Variants in RMST observed in about 807,000 individuals in gnomAD.
RMST encodes long intergenic non-protein coding RNA 54.
At chr12:97,553,213 CCTGT>C (rs200690374) in intron 11 of RMST, among the ~76,000 whole-genome samples, 3,529 of 152,020 alleles carry the variant, frequency 0.023, 73 homozygotes, top group East Asian at 0.12. Context: ...TAATTATTTG[CCTGT>C]GATAATAACA....
intron 4 of RMST, among the ~76,000 whole-genome samples, chr12:97,464,342 C>T (rs1275980053): frequency 1.3e-5 from 2 of 152,026 alleles, no homozygotes; most frequent in Non-Finnish European, 1.5e-5. Flanking sequence ...TGAGGGGGAC[C>T]GAAAAGCAGT....
intron 10 of RMST, among the ~76,000 whole-genome samples, chr12:97,529,214 C>G (rs1881406592): frequency 6.6e-6 from 1 of 152,040 alleles, no homozygotes; most frequent in Admixed American, 6.6e-5. Flanking sequence ...ATCCCTAAAT[C>G]ATCTCATCCT....
chr12:97,559,292 G>A (rs972621217), intron 11 of RMST, among the ~76,000 whole-genome samples: 5 of 152,096 alleles, frequency 3.3e-5, no homozygotes, highest in Admixed American at 6.6e-5. Context: ...TATCTGCCAC[G>A]CAGAGTTCAT....
intron 5 of RMST, among the ~76,000 whole-genome samples, chr12:97,486,166 C>T (rs986292921): frequency 5.3e-5 from 8 of 152,064 alleles, no homozygotes; most frequent in African/African-American, 1.9e-4. Context: ...CTCCATTTAC[C>T]TTGGATACAA....
chr12:97,543,876 G>C (rs987554032), intron 11 of RMST, among the ~76,000 whole-genome samples: 1 of 151,946 alleles, frequency 6.6e-6, no homozygotes, highest in Non-Finnish European at 1.5e-5. Context: ...CCATCATTTT[G>C]GTAAGCAAAG....
chr12:97,547,510 A>G (rs572913060), intron 11 of RMST, among the ~76,000 whole-genome samples: 1 of 152,128 alleles, frequency 6.6e-6, no homozygotes, highest in African/African-American at 2.4e-5. Context: ...ATTCTAACCA[A>G]TGGTGTGAGA....
intron 11 of RMST, among the ~76,000 whole-genome samples, chr12:97,546,646 T>C (rs1416786954): frequency 2.0e-5 from 3 of 152,044 alleles, no homozygotes; most frequent in Non-Finnish European, 4.4e-5. Flanking sequence ...GTGACTATTT[T>C]ATGGTAGTGG....
chr12:97,507,623 A>C (rs1185266293), intron 10 of RMST, among the ~76,000 whole-genome samples: 1 of 152,214 alleles, frequency 6.6e-6, no homozygotes, highest in Non-Finnish European at 1.5e-5. Context: ...ATGGGGCTGG[A>C]GAGGGAGATA....
At chr12:97,523,547 C>T (rs944812899) in intron 10 of RMST, among the ~76,000 whole-genome samples, 1 of 152,164 alleles carries the variant, frequency 6.6e-6, no homozygotes. Context: ...GATTATTATA[C>T]AATGTATACA....
At chr12:97,506,206 C>T (rs1248537232) in intron 10 of RMST, among the ~76,000 whole-genome samples, 1 of 152,056 alleles carries the variant, frequency 6.6e-6, no homozygotes, top group African/African-American at 2.4e-5. Flanking sequence ...ACTATCTTTT[C>T]AAATGTCCAA....
chr12:97,490,398 T>G (rs1422979684), intron 5 of RMST, among the ~76,000 whole-genome samples: 1 of 152,232 alleles, frequency 6.6e-6, no homozygotes, highest in Non-Finnish European at 1.5e-5. Context: ...TTACTAACTA[T>G]GGGATCCAGG....
intron 10 of RMST, among the ~76,000 whole-genome samples, chr12:97,524,561 G>GC (rs1880896599): frequency 6.6e-6 from 1 of 152,130 alleles, no homozygotes; most frequent in Non-Finnish European, 1.5e-5. Context: ...CCAAGTGTTA[G>GC]CCATTTTGTC....
At chr12:97,499,457 T>C (rs1877820625) in intron 10 of RMST, among the ~76,000 whole-genome samples, 1 of 152,212 alleles carries the variant, frequency 6.6e-6, no homozygotes, top group African/African-American at 2.4e-5. Flanking sequence ...AAATTTAAGA[T>C]ATGCCTTCAC....
intron 5 of RMST, among the ~76,000 whole-genome samples, chr12:97,478,957 C>G (rs73384735): frequency 4.6e-5 from 7 of 151,946 alleles, no homozygotes; most frequent in Middle Eastern, 3.2e-3. Flanking sequence ...GGTTGGCACT[C>G]GGGCACCAGT....
intron 10 of RMST, among the ~76,000 whole-genome samples, chr12:97,529,163 G>C (rs1881402991): frequency 6.6e-6 from 1 of 151,804 alleles, no homozygotes; most frequent in Non-Finnish European, 1.5e-5. Context: ...AAACCTTTTT[G>C]TCTTCCCAGG....
intron 11 of RMST, chr12:97,532,654 T>G (rs957922797): frequency 1.3e-5 from 2 of 149,572 alleles, no homozygotes; most frequent in East Asian, 2.0e-4. Flanking sequence ...CGTTTTTTTT[T>G]TTTTTTTTTT....
At chr12:97,492,365 T>C (rs1276248390) in intron 5 of RMST, 1 of 153,514 alleles carries the variant, frequency 6.5e-6, no homozygotes, top group African/African-American at 2.4e-5. Context: ...TTTTCTTTTC[T>C]AGGATTTTAC....
At chr12:97,467,418 T>C (rs992007029) in intron 5 of RMST, among the ~76,000 whole-genome samples, 1 of 152,008 alleles carries the variant, frequency 6.6e-6, no homozygotes. Context: ...ACAAAGCCAA[T>C]AGCTTCCAGA....
At chr12:97,515,304 T>G (rs940486688) in intron 10 of RMST, among the ~76,000 whole-genome samples, 1 of 152,098 alleles carries the variant, frequency 6.6e-6, no homozygotes, top group Non-Finnish European at 1.5e-5. Flanking sequence ...CTAAAAGGCA[T>G]TATTAAAAAT....
Sources: allele counts gnomAD v4.1 joint callset (sites outside exome capture counted in the v4.1 genomes callset), GRCh38; gene constraint gnomAD v4.1.1; transcripts MANE v1.5; gene names NCBI Gene and HGNC (gene_info 2026-07-23, HGNC 2026-07-21).